The following NDUFB9 variants were observed in gnomAD, a reference collection of about 807,000 sequenced individuals.
NDUFB9 encodes the protein NADH dehydrogenase [ubiquinone] 1 beta subcomplex subunit 9.
A neutral mutation model predicts 30.2 loss-of-function variants in NDUFB9; 24 were observed. The ratio of observed to expected loss-of-function variants is 0.80; its 90% CI spans 0.58 to 1.12. NDUFB9 has a LOEUF of 1.12. Ranked by LOEUF, NDUFB9 falls within the 50% of genes most tolerant of loss-of-function variation. The pLI is 0.00. For synonymous variants in NDUFB9, 80 were observed against 84.0 expected, an observed-to-expected ratio of 0.95 and a Z score of 0.26; for missense variants, 204 against 226.0, an observed-to-expected ratio of 0.90 and a Z score of 0.62.
chr8:124,539,208 C>T lies in NDUFB9; in HGVS notation c.22C>T (p.Pro8Ser). The change falls in exon 1 of 4, where the codon CCC becomes TCC. Residue 8 changes from proline (P) to serine (S), a missense_variant. Pro to Ser is a moderately conservative substitution (Grantham distance 74). Coordinates refer to ENST00000276689, the MANE Select transcript of NDUFB9 (RefSeq NM_005005.3). ...CGTAATGGCGTTCTTGGCGTCGGGA[C>T]CCTACCTGACCCATCAGCAAAAGGT... MAFLASGPYLTHQQKVLR... is the reference protein window; with the variant it reads MAFLASGSYLTHQQKVLR... The T allele has an allele frequency of 3.1e-6, 5 of 1,614,208 alleles. No individual in the cohort carries two copies. The highest frequency in any genetic ancestry group is 1.3e-5 in the African/African-American group (1 of 75,050).
intron 1 of NDUFB9, 79 bp from the exon 2 acceptor site, chr8:124,543,008 G>A (rs983119952): frequency 6.8e-7 from 1 of 1,475,808 alleles, no homozygotes; most frequent in African/African-American, 1.4e-5. Context: ...GGTATCAGAA[G>A]TGCAGCCTCC....
At chr8:124,548,247 A>C (rs146302164) in intron 3 of NDUFB9, among the ~76,000 whole-genome samples, 205 of 152,336 alleles carry the variant, frequency 1.3e-3, no homozygotes, top group African/African-American at 4.8e-3. Context: ...TTTCAGTTTT[A>C]AAAGCCATGG....
Position 124,543,262 on chromosome 8 carries a change from A to C in NDUFB9, c.277A>C (p.Arg93=). The part of the protein sequence containing the change: ...PDSPGGTSYE[R]YDCYKVPEWC... ...CTCTCCTGGGGGCACCTCCTATGAG[A>C]GATACGATTGCTACAAGGTAGGTGA... is the stretch of plus-strand genomic sequence containing the variant. The change falls in exon 2 of 4, where the codon AGA becomes CGA. Residue 93 remains arginine, a synonymous_variant. Transcript: ENST00000276689. The C allele has an allele frequency of 6.2e-7, 1 of 1,613,982 alleles. No homozygotes were observed. The highest frequency in any genetic ancestry group is 8.5e-7 in the Non-Finnish European group (1 of 1,179,850).
intron 2 of NDUFB9, among the ~76,000 whole-genome samples, chr8:124,544,140 A>C (rs1332474832): frequency 6.6e-6 from 1 of 152,244 alleles, no homozygotes; most frequent in East Asian, 1.9e-4. Context: ...ACAAAAGATC[A>C]AACCAGCCAC....
At chr8:124,549,332 CA>C (rs1363303771) in intron 3 of NDUFB9, among the ~76,000 whole-genome samples, 1 of 152,194 alleles carries the variant, frequency 6.6e-6, no homozygotes, top group African/African-American at 2.4e-5. Context: ...ACATCCCCAG[CA>C]TATTATGAAC....
intron 2 of NDUFB9, among the ~76,000 whole-genome samples, chr8:124,545,756 C>T (rs914825437): frequency 2.0e-5 from 3 of 152,140 alleles, no homozygotes; most frequent in Non-Finnish European, 4.4e-5. Context: ...TCTGGAACTC[C>T]TACCCTCATA....
intron 1 of NDUFB9, among the ~76,000 whole-genome samples, chr8:124,542,385 A>G (rs1586712781): frequency 6.6e-6 from 1 of 152,286 alleles, no homozygotes. Flanking sequence ...TTACACAGCT[A>G]GTAGTGGCAG....
intron 3 of NDUFB9, among the ~76,000 whole-genome samples, chr8:124,549,400 T>A (rs1822272494): frequency 6.6e-6 from 1 of 152,148 alleles, no homozygotes; most frequent in African/African-American, 2.4e-5. Context: ...ACAATAAATG[T>A]TTTTCTGGTC....
At position 124,539,173 on chromosome 8, in the gene NDUFB9, A is replaced by G; in HGVS notation, c.-14A>G. 1.2e-6 allele frequency: 2 copies of G among 1,613,900 alleles called. No homozygotes were observed. The highest frequency in any genetic ancestry group is 1.7e-6 in the Non-Finnish European group (2 of 1,179,776). On this transcript the variant is annotated 5_prime_UTR_variant, in exon 1 of 4. Transcript: ENST00000276689. ...TCCCGGCTCTCCGCGCGGCCGGGGA[A>G]GGTCAGCGCCGTAATGGCGTTCTTG...
intron 3 of NDUFB9, among the ~76,000 whole-genome samples, chr8:124,547,905 A>G (rs796145913): frequency 5.9e-5 from 9 of 152,164 alleles, no homozygotes; most frequent in African/African-American, 1.9e-4. Context: ...AATTGCTTGA[A>G]TCCCAGGAGG....
In NDUFB9 at chr8:124,549,080, G is replaced by C. The variant is rs556182175; in HGVS notation, c.409-681G>C. Among the ~76,000 whole-genome samples the C allele has an allele frequency of 3.3e-5, 5 of 152,304 alleles. No individual in the cohort carries two copies. In the South Asian group the frequency reaches 1.0e-3, roughly 32 times the overall value. On this transcript the variant is annotated intron_variant, in intron 3 of 3. Coordinates refer to ENST00000276689, the MANE Select transcript of NDUFB9 (RefSeq NM_005005.3). ...GGTGCATTCTGCAATTGATCACTGG[G>C]ATAACATCAAACAATTCCTCCTTTA...
At chr8:124,539,402 C>A in intron 1 of NDUFB9, 115 bp downstream of exon 1, 1 of 917,392 alleles carries the variant, frequency 1.1e-6, no homozygotes, top group Non-Finnish European at 1.8e-6. Context: ...GGAAGGTGGC[C>A]TCTCGCTTCA....
intron 1 of NDUFB9, among the ~76,000 whole-genome samples, chr8:124,540,150 A>G (rs1821884522): frequency 6.6e-6 from 1 of 152,242 alleles, no homozygotes; most frequent in Admixed American, 6.5e-5. Context: ...GGTACCCTCG[A>G]AGCCCAGATT....
At chr8:124,544,936 A>G (rs2131609363) in intron 2 of NDUFB9, among the ~76,000 whole-genome samples, 1 of 152,326 alleles carries the variant, frequency 6.6e-6, no homozygotes, top group East Asian at 1.9e-4. Flanking sequence ...AGAGATCAAA[A>G]TATCAGCTTT....
At chr8:124,540,806 C>T (rs2131602254) in intron 1 of NDUFB9, among the ~76,000 whole-genome samples, 1 of 152,292 alleles carries the variant, frequency 6.6e-6, no homozygotes, top group Admixed American at 6.5e-5. Context: ...TGTACTCGGG[C>T]AGCCTCATTT....
chr8:124,539,139 C>A lies in NDUFB9; in HGVS notation c.-48C>A. ...GCCCCGCTCAGTCACCCGCAGCAGG[C>A]GTGCAGTTTCCCGGCTCTCCGCGCG... On this transcript the variant is annotated 5_prime_UTR_variant, in exon 1 of 4. Coordinates refer to ENST00000276689, the MANE Select transcript of NDUFB9 (RefSeq NM_005005.3). 9 of 1,613,048 alleles carry A rather than the reference C, an allele frequency of 5.6e-6. No individual in the cohort carries two copies. The highest frequency in any genetic ancestry group is 6.8e-6 in the Non-Finnish European group (8 of 1,179,018).
rs9297694 is a variant in NDUFB9 at position 124,543,012 on chromosome 8, A to T, written c.102-75A>T. The stretch of plus-strand genomic sequence containing the variant: ...CCCATCCAGAAGGTATCAGAAGTGC[A>T]GCCTCCTGTCAGACAGCAACACTGA... On this transcript the variant is annotated intron_variant, in intron 1 of 3. Coordinates refer to ENST00000276689, the MANE Select transcript of NDUFB9 (RefSeq NM_005005.3). 2.1e-3 allele frequency: 3,072 copies of T among 1,495,448 alleles called. 36 individuals are homozygous for T. In the African/African-American group the frequency reaches 0.028, roughly 14 times the overall value. 92.6% of individuals were successfully genotyped at this position (1,495,448 alleles called of 1,614,324 possible).
intron 2 of NDUFB9, among the ~76,000 whole-genome samples, chr8:124,543,969 G>A (rs1822096491): frequency 2.0e-5 from 3 of 152,222 alleles, no homozygotes; most frequent in Non-Finnish European, 1.5e-5. Context: ...TGAAAGCCAA[G>A]GTGGGTAGAA....
rs775278304 is a variant in NDUFB9, at chr8:124,539,181, G to C, written c.-6G>C. 6.8e-6 allele frequency: 11 copies of C among 1,614,058 alleles called. No individual in the cohort carries two copies. The East Asian group carries it at 1.3e-4, about 20-fold the overall frequency. ...CTCCGCGCGGCCGGGGAAGGTCAGCGCCGTAATGGCGTTCTTGGCGTCGGG... is the reference window on the plus strand; with the variant it reads ...CTCCGCGCGGCCGGGGAAGGTCAGCCCCGTAATGGCGTTCTTGGCGTCGGG... On this transcript the variant is annotated 5_prime_UTR_variant, in exon 1 of 4. Coordinates refer to ENST00000276689, the MANE Select transcript of NDUFB9 (RefSeq NM_005005.3).
Sources: gnomAD v4.1 joint callset for allele counts (sites outside exome capture counted in the v4.1 genomes callset) on GRCh38, gnomAD v4.1.1 for gene constraint, MANE v1.5 for transcripts, NCBI Gene and HGNC (gene_info 2026-07-23, HGNC 2026-07-21) for gene names.